Variants in ZFPM1 observed in about 807,000 individuals in gnomAD.
The protein encoded by ZFPM1 is zinc finger protein ZFPM1.
In ZFPM1, 28 loss-of-function variants were observed where a neutral mutation model predicts 46.3. That is an observed-to-expected ratio of 0.60 (90% CI 0.45 to 0.83). The LOEUF (loss-of-function observed/expected upper bound fraction) is 0.83, where lower values mean the gene tolerates loss of function less well. ZFPM1 is among the 40% of genes least tolerant of loss of function. ZFPM1 has a pLI of 0.00. For missense variants in ZFPM1, 1,878 were observed against 1,432.4 expected (o/e 1.31, Z -5.02); for synonymous variants, 957 against 675.9 (o/e 1.42, Z -6.45).
chr16:88,477,174 G>A (rs76013213), intron 1 of ZFPM1, among the ~76,000 whole-genome samples: 2,998 of 152,322 alleles, frequency 0.02, 89 homozygotes, highest in African/African-American at 0.067. Context: ...GGAGAGAAGC[G>A]GGCACAGTTC....
chr16:88,474,673 G>A (rs1908592597), intron 1 of ZFPM1, among the ~76,000 whole-genome samples: 1 of 152,186 alleles, frequency 6.6e-6, no homozygotes, highest in Admixed American at 6.5e-5. Flanking sequence ...TGACCACCCT[G>A]TCTGAAGCCA....
intron 3 of ZFPM1, among the ~76,000 whole-genome samples, chr16:88,513,640 G>A (rs1362191884): frequency 6.6e-6 from 1 of 152,238 alleles, no homozygotes; most frequent in Non-Finnish European, 1.5e-5. Context: ...AGGGCCAGGT[G>A]TGGCCAGGTG....
intron 1 of ZFPM1, among the ~76,000 whole-genome samples, chr16:88,477,042 G>A (rs1228773827): frequency 6.6e-6 from 1 of 151,298 alleles, no homozygotes; most frequent in Non-Finnish European, 1.5e-5. Flanking sequence ...CGCAGACCGG[G>A]GCCACGCAGA....
chr16:88,487,895 A>G (rs1037021214), intron 2 of ZFPM1, among the ~76,000 whole-genome samples: 8 of 152,192 alleles, frequency 5.3e-5, no homozygotes, highest in Non-Finnish European at 1.2e-4. Flanking sequence ...CGTCCAGCCC[A>G]GCCTCTGGTG....
chr16:88,493,404 A>AG (rs1909726851), intron 3 of ZFPM1, among the ~76,000 whole-genome samples: 5 of 18,444 alleles, frequency 2.7e-4, no homozygotes, highest in Non-Finnish European at 5.3e-4. Flanking sequence ...AGGGTGCAGG[A>AG]AGCTGTCCCG....
At chr16:88,491,904 G>A (rs59865663) in intron 3 of ZFPM1, among the ~76,000 whole-genome samples, 25,342 of 152,222 alleles carry the variant, frequency 0.17, 2,398 homozygotes, top group East Asian at 0.27. Context: ...GTTATCTCTC[G>A]GGGCGGCCCG....
In ZFPM1 at chr16:88,532,108, G is replaced by C; in HGVS notation, c.819G>C (p.Pro273=). 6.2e-7 allele frequency: 1 copy of C among 1,612,366 alleles called. No homozygotes were observed. Among genetic ancestry groups the C allele is most frequent in the Non-Finnish European group, 8.5e-7 (1 of 1,179,718 alleles). Residue 273 remains proline, a synonymous_variant, in exon 7 of 10, where the codon CCG becomes CCC. Transcript: ENST00000319555. ...YCASRQGTGS[P]AAAATDEKPK... ...CCAGCCGCCAGGGCACCGGCTCCCC[G>C]GCCGCAGCCGCCACAGACGAGAAGC...
intron 4 of ZFPM1, among the ~76,000 whole-genome samples, chr16:88,517,934 G>A (rs1911458371): frequency 6.6e-6 from 1 of 151,996 alleles, no homozygotes; most frequent in Non-Finnish European, 1.5e-5. Flanking sequence ...GGTGAGGCCA[G>A]GCGCAGTGGC....
intron 3 of ZFPM1, among the ~76,000 whole-genome samples, chr16:88,494,449 C>G (rs988306574): frequency 6.6e-6 from 1 of 152,058 alleles, no homozygotes; most frequent in South Asian, 2.1e-4. Flanking sequence ...GACGCCCGGC[C>G]GGGGTGAGAG....
At chr16:88,518,400 C>T (rs560888491) in intron 4 of ZFPM1, among the ~76,000 whole-genome samples, 177 of 143,236 alleles carry the variant, frequency 1.2e-3, no homozygotes, top group Middle Eastern at 3.7e-3. Flanking sequence ...TGGGTAGGTG[C>T]GTGGATGGAT....
At chr16:88,507,468 C>G (rs1282122117) in intron 3 of ZFPM1, among the ~76,000 whole-genome samples, 1 of 152,226 alleles carries the variant, frequency 6.6e-6, no homozygotes, top group African/African-American at 2.4e-5. Context: ...CACTGACTGA[C>G]TAGTGCCCCA....
At chr16:88,457,136 G>A (rs1464345179) in intron 1 of ZFPM1, among the ~76,000 whole-genome samples, 1 of 152,270 alleles carries the variant, frequency 6.6e-6, no homozygotes, top group Non-Finnish European at 1.5e-5. Context: ...AGTGCCATCT[G>A]GCAAGGGCCA....
intron 4 of ZFPM1, among the ~76,000 whole-genome samples, chr16:88,514,917 C>T (rs542085135): frequency 6.6e-6 from 1 of 152,280 alleles, no homozygotes; most frequent in East Asian, 1.9e-4. Flanking sequence ...TCTGTCCCCG[C>T]GGACTCTTCT....
chr16:88,455,464 G>T (rs1455321367), intron 1 of ZFPM1, among the ~76,000 whole-genome samples: 1 of 152,108 alleles, frequency 6.6e-6, no homozygotes, highest in East Asian at 1.9e-4. Context: ...TCCTCCCCAT[G>T]GCAGATCTCA....
At chr16:88,514,969 C>T (rs982806230) in intron 4 of ZFPM1, among the ~76,000 whole-genome samples, 3 of 152,144 alleles carry the variant, frequency 2.0e-5, no homozygotes, top group South Asian at 2.1e-4. Context: ...TCCATGGCCT[C>T]GGCACGTGTG....
Position 88,534,999 on chromosome 16 carries a change from A to G in ZFPM1, c.*20A>G, listed in dbSNP as rs747988927. The G allele has an allele frequency of 7.2e-7, 1 of 1,382,524 alleles. No homozygotes were observed. The allele number at this position is 1,382,524 out of a possible 1,614,324, so 85.6% of individuals were successfully genotyped here. A position where few individuals can be genotyped will look rare whatever the true frequency, so the allele number is the denominator to read the frequency against. ...AAGTGAGCGCCCACACTACAGCCGC[A>G]GACGCTTTGCACGCCCCGCTGCGAT... On this transcript the variant is annotated 3_prime_UTR_variant, in exon 10 of 10. Transcript: ENST00000319555.
At chr16:88,454,634 G>C (rs1054491640) in intron 1 of ZFPM1, among the ~76,000 whole-genome samples, 1 of 152,272 alleles carries the variant, frequency 6.6e-6, no homozygotes, top group African/African-American at 2.4e-5. Context: ...AGCTGTCGGG[G>C]CCACTGTCTG....
intron 3 of ZFPM1, among the ~76,000 whole-genome samples, chr16:88,489,556 G>A (rs979863380): frequency 6.6e-6 from 1 of 152,230 alleles, no homozygotes. Flanking sequence ...GCTGTGCTGA[G>A]GTGCCCAGGC....
At chr16:88,489,889 T>C (rs1362653939) in intron 3 of ZFPM1, among the ~76,000 whole-genome samples, 4 of 146,496 alleles carry the variant, frequency 2.7e-5, no homozygotes, top group African/African-American at 1.0e-4. Flanking sequence ...TGGGGTGGAA[T>C]CCCAGGGCTG....
Sources: allele counts gnomAD v4.1 joint callset (sites outside exome capture counted in the v4.1 genomes callset), GRCh38; gene constraint gnomAD v4.1.1; transcripts MANE v1.5; gene names NCBI Gene and HGNC (gene_info 2026-07-23, HGNC 2026-07-21).